The following GRM5 variants were observed in gnomAD, a reference collection of about 807,000 sequenced individuals.
GRM5 encodes glutamate metabotropic receptor 5.
In GRM5, 19 loss-of-function variants were observed where a neutral mutation model predicts 83.1. The ratio of observed to expected loss-of-function variants is 0.23; its 90% CI spans 0.16 to 0.34. The LOEUF (loss-of-function observed/expected upper bound fraction) is 0.34. Ranked by LOEUF, GRM5 falls within the 10% of genes least tolerant of loss-of-function variation. The probability of loss-of-function intolerance (pLI) is 1.00; values close to 1 mark genes in which losing one functional copy is unlikely to be tolerated. For synonymous variants in GRM5, 675 were observed against 633.6 expected (o/e 1.07, Z -0.98); for missense variants, 1,160 against 1,588.3 (o/e 0.73, Z 4.58).
rs180890047 is a variant in GRM5 at position 88,623,373 on chromosome 11, G to A, written c.1148-18409C>T. 3.8e-3 allele frequency among the ~76,000 whole-genome samples: 579 copies of A among 151,962 alleles called. 11 individuals are homozygous for A. Among genetic ancestry groups the A allele is most frequent in the Admixed American group, 0.029 (448 of 15,250 alleles). ...TTGAACTCCTGACCTCAGGTGACCC[G>A]CCCGCCTCAGCCTCCCAAAGTGCTG... On this transcript the variant is annotated intron_variant, in intron 4 of 9. Transcript: ENST00000305447.
At chr11:88,664,158 A>G (rs1457064149) in intron 3 of GRM5, among the ~76,000 whole-genome samples, 1 of 152,176 alleles carries the variant, frequency 6.6e-6, no homozygotes, top group Non-Finnish European at 1.5e-5. Flanking sequence ...TAAATGAAAA[A>G]AATTACTTGA....
At position 88,597,205 on chromosome 11, in the gene GRM5, T is replaced by C; in HGVS notation, c.1542A>G (p.Pro514=). 3 of 1,584,262 alleles carry C rather than the reference T, an allele frequency of 1.9e-6. No homozygotes were observed. The highest frequency in any genetic ancestry group is 2.6e-6 in the Non-Finnish European group (3 of 1,168,154). The part of the protein sequence containing the change: ...SNIIRSVCSE[P]CEKGQIKVIR... ...TTACCTTGATCTGGCCTTTCTCACA[T>C]GGTTCACTGCACACAGATCTGATGA... Residue 514 remains proline, a synonymous_variant, in exon 6 of 10, where the codon CCA becomes CCG. Coordinates refer to ENST00000305447, the MANE Select transcript of GRM5 (RefSeq NM_001143831.3).
intron 9 of GRM5, among the ~76,000 whole-genome samples, chr11:88,522,597 C>CTG: frequency 1.0e-5 from 1 of 96,974 alleles, no homozygotes; most frequent in South Asian, 4.6e-4. Flanking sequence ...CGCTCTCTCT[C>CTG]TCTCTCTGTG....
At chr11:88,775,745 C>A (rs1167287959) in intron 3 of GRM5, among the ~76,000 whole-genome samples, 1 of 152,106 alleles carries the variant, frequency 6.6e-6, no homozygotes, top group Admixed American at 6.6e-5. Flanking sequence ...TGTAGTTGAG[C>A]AGTTTTGAGT....
intron 2 of GRM5, among the ~76,000 whole-genome samples, chr11:88,940,979 C>T (rs540822139): frequency 6.6e-6 from 1 of 152,008 alleles, no homozygotes; most frequent in Non-Finnish European, 1.5e-5. Context: ...GCACAGTTTT[C>T]CCCCTAACTC....
intron 7 of GRM5, among the ~76,000 whole-genome samples, chr11:88,576,083 A>T (rs138963271): frequency 1.3e-3 from 201 of 152,340 alleles, no homozygotes; most frequent in African/African-American, 3.7e-3. Flanking sequence ...ACTTCCGGTC[A>T]TACTGCACAT....
intron 2 of GRM5, among the ~76,000 whole-genome samples, chr11:89,001,536 A>T (rs1256798817): frequency 2.0e-5 from 3 of 152,112 alleles, no homozygotes; most frequent in Non-Finnish European, 4.4e-5. Context: ...AGTGGTTGTC[A>T]GGGGTCAGGG....
chr11:88,812,870 A>T (rs1340702296), intron 3 of GRM5, among the ~76,000 whole-genome samples: 1 of 152,106 alleles, frequency 6.6e-6, no homozygotes, highest in African/African-American at 2.4e-5. Flanking sequence ...AAATGTTTTG[A>T]ACATAGTTTT....
chr11:88,604,388 A>G (rs1938084134), intron 5 of GRM5, among the ~76,000 whole-genome samples: 1 of 152,156 alleles, frequency 6.6e-6, no homozygotes, highest in African/African-American at 2.4e-5. Context: ...AAATATCTGA[A>G]TATGGGGAAT....
At chr11:88,768,741 G>C (rs140039259) in intron 3 of GRM5, among the ~76,000 whole-genome samples, 1 of 151,880 alleles carries the variant, frequency 6.6e-6, no homozygotes, top group Non-Finnish European at 1.5e-5. Context: ...ACAGAAGTTG[G>C]CATGATGTGA....
chr11:88,756,717 G>C (rs1411130098), intron 3 of GRM5, among the ~76,000 whole-genome samples: 1 of 151,900 alleles, frequency 6.6e-6, no homozygotes, highest in African/African-American at 2.4e-5. Flanking sequence ...TTGAAGATAG[G>C]ACAATGGAAA....
intron 2 of GRM5, among the ~76,000 whole-genome samples, chr11:88,879,644 T>G (rs1287147979): frequency 6.6e-6 from 1 of 152,010 alleles, no homozygotes; most frequent in Non-Finnish European, 1.5e-5. Flanking sequence ...TCATCACCTT[T>G]CTGTATTTAT....
At chr11:88,537,050 G>A (rs1942152504) in intron 8 of GRM5, among the ~76,000 whole-genome samples, 1 of 152,098 alleles carries the variant, frequency 6.6e-6, no homozygotes, top group Non-Finnish European at 1.5e-5. Flanking sequence ...GAAACCAGAT[G>A]TTTTACCTCC....
At position 88,517,283 on chromosome 11, in the gene GRM5, T is replaced by C. The variant is rs143672328; in HGVS notation, c.2727-7779A>G. Among the ~76,000 whole-genome samples the C allele has an allele frequency of 8.5e-5, 13 of 152,224 alleles. No homozygotes were observed. In the East Asian group the frequency reaches 2.3e-3, roughly 27 times the overall value. The stretch of plus-strand genomic sequence containing the variant: ...GGATTAGAGAGGTTCAAAGAACTTG[T>C]GTGCATAAAAGTAGAAAATACTTAA... On this transcript the variant is annotated intron_variant, in intron 9 of 9. Transcript: ENST00000305447.
At chr11:88,922,201 C>A (rs1047462859) in intron 2 of GRM5, among the ~76,000 whole-genome samples, 1 of 152,112 alleles carries the variant, frequency 6.6e-6, no homozygotes, top group African/African-American at 2.4e-5. Flanking sequence ...TATCAAAATA[C>A]CATTTACCTT....
At chr11:88,827,593 T>C (rs12286623) in intron 3 of GRM5, among the ~76,000 whole-genome samples, 3,887 of 152,264 alleles carry the variant, frequency 0.026, 176 homozygotes, top group African/African-American at 0.089. Flanking sequence ...ACTCACTTGG[T>C]TGGTTGTTTG....
chr11:88,579,132 A>G (rs1943175068), intron 7 of GRM5, among the ~76,000 whole-genome samples: 1 of 152,100 alleles, frequency 6.6e-6, no homozygotes, highest in Non-Finnish European at 1.5e-5. Context: ...TTTAATTTTT[A>G]TGGGTACCTA....
chr11:88,782,811 T>A (rs1942999016), intron 3 of GRM5, among the ~76,000 whole-genome samples: 2 of 152,140 alleles, frequency 1.3e-5, no homozygotes, highest in African/African-American at 4.8e-5. Flanking sequence ...TCTGGCAGGT[T>A]TCAGAGGAAA....
At chr11:88,810,227 C>T (rs1043408586) in intron 3 of GRM5, among the ~76,000 whole-genome samples, 11 of 151,960 alleles carry the variant, frequency 7.2e-5, no homozygotes, top group South Asian at 2.1e-4. Context: ...ATGGCAGTAA[C>T]ACTGAGATCC....
Sources: gnomAD v4.1 joint callset for allele counts (sites outside exome capture counted in the v4.1 genomes callset) on GRCh38, gnomAD v4.1.1 for gene constraint, MANE v1.5 for transcripts, NCBI Gene and HGNC (gene_info 2026-07-23, HGNC 2026-07-21) for gene names.